The following AHI1 variants were observed in gnomAD, a reference collection of about 807,000 sequenced individuals.
The protein encoded by AHI1 is Abelson helper integration site 1, also known as jouberin.
A neutral mutation model predicts 149.3 loss-of-function variants in AHI1; 123 were observed. The observed-to-expected ratio is 0.82, with a 90% CI of 0.71 to 0.96. AHI1 has a LOEUF of 0.96. Among genes scored for constraint, AHI1 ranks in the 40% least tolerant of loss-of-function variants. The pLI is 0.00. For missense variants in AHI1, 1,439 were observed against 1,422.7 expected (o/e 1.01, Z -0.18); for synonymous variants, 475 against 459.8 (o/e 1.03, Z -0.42).
chr6:135,435,834 A>G (rs1302889843), intron 15 of AHI1, among the ~76,000 whole-genome samples: 1 of 152,212 alleles, frequency 6.6e-6, no homozygotes, highest in Non-Finnish European at 1.5e-5. Context: ...AGGACGTGAC[A>G]AAACTGTGAG....
chr6:135,496,687 G>GA (rs1029973027), intron 2 of AHI1, among the ~76,000 whole-genome samples: 322 of 152,164 alleles, frequency 2.1e-3, no homozygotes, highest in African/African-American at 7.4e-3. Context: ...ATCATTGGGA[G>GA]AAAAAACTGA....
In AHI1 at chr6:135,441,258, C is replaced by G. The variant is rs539100847; in HGVS notation, c.1912+1324G>C. On this transcript the variant is annotated intron_variant, in intron 14 of 28. Transcript: ENST00000265602. ...CTGAAAGAATTACTAAATTTGACAACAGGTCAACTGAGATTATCCAGTCTG... is the reference window on the plus strand; with the variant it reads ...CTGAAAGAATTACTAAATTTGACAAGAGGTCAACTGAGATTATCCAGTCTG... Among the ~76,000 whole-genome samples, 177 of 151,888 alleles carry G rather than the reference C, an allele frequency of 1.2e-3. 1 individual carries two copies. The highest frequency in any genetic ancestry group is 2.1e-3 in the Non-Finnish European group (141 of 67,932).
intron 5 of AHI1, among the ~76,000 whole-genome samples, chr6:135,468,647 T>C (rs1040714191): frequency 1.3e-5 from 2 of 151,760 alleles, no homozygotes; most frequent in Non-Finnish European, 2.9e-5. Context: ...ATAGACACAA[T>C]AAAAAATGAT....
At chr6:135,310,207 C>T (rs1398966492) in intron 26 of AHI1, among the ~76,000 whole-genome samples, 2 of 152,070 alleles carry the variant, frequency 1.3e-5, no homozygotes, top group Non-Finnish European at 2.9e-5. Context: ...AACAATAATT[C>T]AGATTCATTC....
chr6:135,492,166 C>A, intron 4 of AHI1, 62 bp downstream of exon 4: 1 of 1,325,826 alleles, frequency 7.5e-7, no homozygotes, highest in Non-Finnish European at 1.0e-6. Flanking sequence ...TTAAAATAAA[C>A]CAAACTTAAA....
At chr6:135,421,757 T>A (rs1783193661) in intron 20 of AHI1, among the ~76,000 whole-genome samples, 1 of 152,216 alleles carries the variant, frequency 6.6e-6, no homozygotes, top group Non-Finnish European at 1.5e-5. Context: ...TCTTGAATGA[T>A]ATAAACTTTC....
At chr6:135,451,315 A>G (rs1788056474) in intron 11 of AHI1, among the ~76,000 whole-genome samples, 1 of 152,030 alleles carries the variant, frequency 6.6e-6, no homozygotes, top group South Asian at 2.1e-4. Context: ...CTTGAAGATG[A>G]ATTTTATCCT....
At chr6:135,287,392 A>G (rs1416339496) in intron 28 of AHI1, among the ~76,000 whole-genome samples, 1 of 152,226 alleles carries the variant, frequency 6.6e-6, no homozygotes, top group Non-Finnish European at 1.5e-5. Context: ...AATGACAAAG[A>G]TGGCGCATAA....
At chr6:135,321,281 GA>G (rs767967288) in intron 25 of AHI1, among the ~76,000 whole-genome samples, 2 of 150,718 alleles carry the variant, frequency 1.3e-5, no homozygotes, top group Non-Finnish European at 3.0e-5. Flanking sequence ...AAGAAAGAAA[GA>G]AAAAAAAAGT....
intron 23 of AHI1, among the ~76,000 whole-genome samples, chr6:135,384,066 C>T (rs1438726730): frequency 6.6e-6 from 1 of 151,820 alleles, no homozygotes; most frequent in Non-Finnish European, 1.5e-5. Context: ...CCTTTCAAGT[C>T]TTCTACTTTA....
chr6:135,285,943 A>C (rs528348625), intron 28 of AHI1, among the ~76,000 whole-genome samples: 2 of 152,288 alleles, frequency 1.3e-5, no homozygotes, highest in African/African-American at 4.8e-5. Context: ...GACACTAAAA[A>C]CTCCAAACCA....
At chr6:135,377,383 T>C (rs1304773271) in intron 23 of AHI1, among the ~76,000 whole-genome samples, 2 of 152,170 alleles carry the variant, frequency 1.3e-5, no homozygotes, top group Non-Finnish European at 2.9e-5. Context: ...TAGACGATTA[T>C]CTTACAGTAG....
At chr6:135,472,916 T>G (rs1235745430) in intron 5 of AHI1, among the ~76,000 whole-genome samples, 1 of 152,212 alleles carries the variant, frequency 6.6e-6, no homozygotes, top group Non-Finnish European at 1.5e-5. Flanking sequence ...TTTAAAAATA[T>G]TTTATCTAAA....
chr6:135,307,267 G>A (rs1249696284), intron 26 of AHI1: 1 of 152,122 alleles, frequency 6.6e-6, no homozygotes, highest in East Asian at 1.9e-4. Context: ...ACCTAAAGGG[G>A]AACCATATTA....
rs986770250 is a variant in AHI1 at position 135,435,083 on chromosome 6, T to G, written c.2037-1827A>C. ...AGACATGGACAGAAATTCATACTTCTGCCACTTGTGAGCATTTGCAATTCT... is the reference window on the plus strand; with the variant it reads ...AGACATGGACAGAAATTCATACTTCGGCCACTTGTGAGCATTTGCAATTCT... On this transcript the variant is annotated intron_variant, in intron 15 of 28. Transcript: ENST00000265602. The G allele has an allele frequency of 3.3e-5, 5 of 152,314 alleles. No individual in the cohort carries two copies. The East Asian group carries it at 9.6e-4, about 29-fold the overall frequency. 9.4% of individuals were successfully genotyped at this position (152,314 alleles called of 1,614,324 possible).
chr6:135,313,565 T>C (rs1228048053), intron 26 of AHI1, among the ~76,000 whole-genome samples: 2 of 152,294 alleles, frequency 1.3e-5, no homozygotes, highest in Admixed American at 1.3e-4. Flanking sequence ...TCTGCTGCAA[T>C]ATGAATATGA....
intron 23 of AHI1, among the ~76,000 whole-genome samples, chr6:135,383,899 T>C (rs1777220838): frequency 6.6e-6 from 1 of 152,242 alleles, no homozygotes; most frequent in Non-Finnish European, 1.5e-5. Context: ...ATCTCACCTG[T>C]TGCAGCCATA....
chr6:135,335,076 T>C (rs1475342893), intron 24 of AHI1, among the ~76,000 whole-genome samples: 4 of 152,370 alleles, frequency 2.6e-5, no homozygotes, highest in African/African-American at 9.6e-5. Flanking sequence ...TAATTTAAAA[T>C]ATAAAGTCGA....
intron 27 of AHI1, among the ~76,000 whole-genome samples, 164 bp downstream of exon 27, chr6:135,300,336 A>AT (rs1356368654): frequency 6.6e-6 from 1 of 151,086 alleles, no homozygotes; most frequent in Admixed American, 6.6e-5. Context: ...AAAAAAAAAA[A>AT]AAAAGAAAAA....
Sources: allele counts gnomAD v4.1 joint callset (sites outside exome capture counted in the v4.1 genomes callset), GRCh38; gene constraint gnomAD v4.1.1; transcripts MANE v1.5; gene names NCBI Gene and HGNC (gene_info 2026-07-23, HGNC 2026-07-21).